DCLK3: variants seen among roughly 807,000 people sequenced by gnomAD.
DCLK3 encodes the protein serine/threonine-protein kinase DCLK3.
DCLK3 carries 30 observed loss-of-function variants against 46.4 expected under a neutral mutation model. The observed-to-expected ratio is 0.65, with a 90% CI of 0.48 to 0.88. The LOEUF (loss-of-function observed/expected upper bound fraction) is 0.88. Among genes scored for constraint, DCLK3 ranks in the 40% least tolerant of loss-of-function variants. The pLI, the probability that DCLK3 is intolerant of heterozygous loss-of-function variation, is 0.00. For synonymous variants in DCLK3, 401 were observed against 339.2 expected, an observed-to-expected ratio of 1.18 and a Z score of -2.00; for missense variants, 846 against 907.1, an observed-to-expected ratio of 0.93 and a Z score of 0.87.
At chr3:36,721,738 C>A in intron 2 of DCLK3, 79 bp from the exon 3 acceptor site, 2 of 1,578,484 alleles carry the variant, frequency 1.3e-6, no homozygotes, top group South Asian at 1.1e-5. Context: ...AACAGCCATG[C>A]AAGGTCAAGA....
In DCLK3 at chr3:36,737,348, C is replaced by T. The variant is rs1293215543; in HGVS notation, c.1819G>A (p.Asp607Asn). The change falls in exon 2 of 5, where the codon GAC becomes AAC. Residue 607 changes from aspartate to asparagine, a missense_variant. Asp to Asn is a conservative substitution (Grantham distance 23, BLOSUM62 1). Coordinates refer to ENST00000636136, the MANE Select transcript of DCLK3 (RefSeq NM_001394672.2). This position sits in a 1 kb window ranked among gnomAD's most constrained non-coding sequence, Gnocchi z 4.4. The part of the protein sequence containing the change: ...YLILEYVQGG[D>N]LFDAIIESVK... ...CTTTCTATGATGGCGTCAAAAAGGT[C>T]TCCTCCCTGCACGTACTCCAGGATC... is the stretch of plus-strand genomic sequence containing the variant. 1 of 1,614,168 alleles carries T rather than the reference C, an allele frequency of 6.2e-7. No homozygotes were observed. Among genetic ancestry groups the T allele is most frequent in the Non-Finnish European group, 8.5e-7 (1 of 1,180,044 alleles).
At chr3:36,719,465 G>C (rs1330359096) in intron 3 of DCLK3, among the ~76,000 whole-genome samples, 2 of 152,184 alleles carry the variant, frequency 1.3e-5, no homozygotes, top group East Asian at 1.9e-4. Context: ...ACTGTTGAGA[G>C]GGATTGATTT....
At chr3:36,727,882 A>C (rs763824896) in intron 2 of DCLK3, among the ~76,000 whole-genome samples, 2 of 152,224 alleles carry the variant, frequency 1.3e-5, no homozygotes, top group Non-Finnish European at 2.9e-5. Flanking sequence ...AGCACCTCAC[A>C]TATTTGGCTT....
intron 3 of DCLK3, among the ~76,000 whole-genome samples, chr3:36,719,436 C>A (rs910841369): frequency 6.6e-6 from 1 of 152,172 alleles, no homozygotes; most frequent in Admixed American, 6.5e-5. Context: ...TTGGTCTTTT[C>A]TCAGTTCTCA....
chr3:36,750,062 G>A (rs57671167), intron 1 of DCLK3, among the ~76,000 whole-genome samples: 12 of 152,042 alleles, frequency 7.9e-5, no homozygotes, highest in East Asian at 1.9e-4. Flanking sequence ...TTATTTTAAC[G>A]TTTAATTCTT....
At chr3:36,757,534 C>T (rs1179108101) in intron 1 of DCLK3, among the ~76,000 whole-genome samples, 1 of 152,140 alleles carries the variant, frequency 6.6e-6, no homozygotes. Flanking sequence ...GAATCTGCTC[C>T]TACAGGACAG....
Position 36,738,207 on chromosome 3 carries a change from G to T in DCLK3, c.960C>A (p.Ser320Arg). 1 of 1,610,668 alleles carries T rather than the reference G, an allele frequency of 6.2e-7. No homozygotes were observed. The change falls in exon 2 of 5, where the codon AGC becomes AGA. Residue 320 changes from serine (S) to arginine (R), a missense_variant. Physicochemically the swap from Ser to Arg is moderately radical, Grantham distance 110. This residue lies in a region of DCLK3 where 553 missense variants were observed against 543.0 expected (regional missense o/e 1.02). Transcript: ENST00000636136. The stretch of plus-strand genomic sequence containing the variant: ...CCAGAGAAAGCCTCTCACGCTCCAG[G>T]CTCTGCTGGAGCTCCCTCTCTCTCT... ...KCKRERELQQSLERERLSLGT... is the reference protein window; with the variant it reads ...KCKRERELQQRLERERLSLGT...
intron 1 of DCLK3, among the ~76,000 whole-genome samples, chr3:36,756,587 G>A (rs1230480779): frequency 1.3e-5 from 2 of 152,124 alleles, no homozygotes; most frequent in African/African-American, 2.4e-5. Context: ...CTCTGAAACC[G>A]AAACAACATC....
chr3:36,759,289 T>G (rs1227687214), intron 1 of DCLK3, among the ~76,000 whole-genome samples: 1 of 152,168 alleles, frequency 6.6e-6, no homozygotes. Flanking sequence ...CCCAGCCCCC[T>G]GCGCCCACAA....
chr3:36,741,616 T>A (rs1701345550), intron 1 of DCLK3, among the ~76,000 whole-genome samples: 1 of 152,042 alleles, frequency 6.6e-6, no homozygotes, highest in South Asian at 2.1e-4. Context: ...CCTAATGAGG[T>A]AGAGGCCACC....
At chr3:36,749,069 G>A (rs1324361771) in intron 1 of DCLK3, among the ~76,000 whole-genome samples, 1 of 152,130 alleles carries the variant, frequency 6.6e-6, no homozygotes, top group Non-Finnish European at 1.5e-5. Context: ...CATCCCTGGG[G>A]CTTCATCGCT....
intron 1 of DCLK3, among the ~76,000 whole-genome samples, chr3:36,740,372 G>C (rs893880719): frequency 1.3e-5 from 2 of 151,992 alleles, no homozygotes; most frequent in Admixed American, 1.3e-4. Flanking sequence ...GCTTCTTCTG[G>C]CATCACAAGA....
At chr3:36,755,762 G>A (rs951590527) in intron 1 of DCLK3, among the ~76,000 whole-genome samples, 1 of 152,134 alleles carries the variant, frequency 6.6e-6, no homozygotes, top group Non-Finnish European at 1.5e-5. Flanking sequence ...CTGTTTATCA[G>A]ATAGATAGGT....
At chr3:36,724,810 C>A (rs1362631508) in intron 2 of DCLK3, among the ~76,000 whole-genome samples, 4 of 152,008 alleles carry the variant, frequency 2.6e-5, no homozygotes, top group Non-Finnish European at 5.9e-5. Flanking sequence ...CTAATACATA[C>A]CCACAAAAAT....
chr3:36,749,405 A>G (rs1228477409), intron 1 of DCLK3, among the ~76,000 whole-genome samples: 5 of 152,182 alleles, frequency 3.3e-5, no homozygotes, highest in Admixed American at 6.5e-5. Flanking sequence ...GTCATGCAAT[A>G]CTTTAAAACA....
chr3:36,716,245 A>C (rs1425077391), intron 4 of DCLK3, among the ~76,000 whole-genome samples: 1 of 152,160 alleles, frequency 6.6e-6, no homozygotes, highest in Non-Finnish European at 1.5e-5. Flanking sequence ...TGCTCTTCCA[A>C]TCACTCAAGA....
intron 1 of DCLK3, among the ~76,000 whole-genome samples, chr3:36,746,769 T>C (rs1575145271): frequency 6.6e-6 from 1 of 152,226 alleles, no homozygotes; most frequent in South Asian, 2.1e-4. Context: ...AAACTGGAAG[T>C]CCCATTTCCA....
At chr3:36,716,023 C>A (rs1339270615) in intron 4 of DCLK3, among the ~76,000 whole-genome samples, 1 of 152,174 alleles carries the variant, frequency 6.6e-6, no homozygotes, top group Non-Finnish European at 1.5e-5. Flanking sequence ...CTTTCCAAGT[C>A]AATACATATG....
In DCLK3 at chr3:36,721,636, A is replaced by C; in HGVS notation, c.1983T>G (p.Ser661=). The C allele has an allele frequency of 1.9e-6, 3 of 1,614,218 alleles. No homozygotes were observed. The highest frequency in any genetic ancestry group is 2.5e-6 in the Non-Finnish European group (3 of 1,180,034). The change falls in exon 3 of 5, where the codon TCT becomes TCG. Residue 661 remains serine (S), a synonymous_variant. Transcript: ENST00000636136. ...CAAAATCAGCCAATTTCAAGGTAGT[A>C]GATTTGTCCTCATTTCGCTGAACCT... ...NLLVQRNEDK[S]TTLKLADFGL... is the part of the protein sequence containing the mutation.
Sources: allele counts gnomAD v4.1 joint callset (sites outside exome capture counted in the v4.1 genomes callset), GRCh38; gene constraint gnomAD v4.1.1; regional missense constraint gnomAD v4.1.1; non-coding constraint Gnocchi (gnomAD v3.1); transcripts MANE v1.5; gene names NCBI Gene and HGNC (gene_info 2026-07-23, HGNC 2026-07-21).